Variants in RALYL observed in about 807,000 individuals in gnomAD.
The protein encoded by RALYL is RNA-binding Raly-like protein.
A neutral mutation model predicts 35.1 loss-of-function variants in RALYL; 29 were observed. The ratio of observed to expected loss-of-function variants is 0.83; its 90% confidence interval spans 0.61 to 1.13. RALYL has a LOEUF of 1.13. RALYL is among the 50% of genes most tolerant of loss of function. The pLI, the probability that RALYL is intolerant of heterozygous loss-of-function variation, is 0.00. For synonymous variants in RALYL, 120 were observed against 127.6 expected, an observed-to-expected ratio of 0.94 and a Z score of 0.40; for missense variants, 359 against 360.4, an observed-to-expected ratio of 1.00 and a Z score of 0.03.
At chr8:84,268,869 C>G (rs929712288) in intron 1 of RALYL, among the ~76,000 whole-genome samples, 1 of 152,060 alleles carries the variant, frequency 6.6e-6, no homozygotes, top group Non-Finnish European at 1.5e-5. Context: ...GCAAGGGAAG[C>G]ATATCATATA....
intron 1 of RALYL, among the ~76,000 whole-genome samples, chr8:84,346,803 A>G (rs1411654340): frequency 1.3e-5 from 2 of 152,136 alleles, no homozygotes; most frequent in Non-Finnish European, 2.9e-5. Flanking sequence ...CTAAAAATTG[A>G]TACAATCCAT....
chr8:84,893,676 A>G (rs939718350), intron 8 of RALYL, among the ~76,000 whole-genome samples: 22 of 152,200 alleles, frequency 1.4e-4, no homozygotes, highest in Admixed American at 6.5e-5. Flanking sequence ...AAATGCCAAC[A>G]TAGATTATCT....
At chr8:84,348,059 C>T (rs1311516211) in intron 1 of RALYL, among the ~76,000 whole-genome samples, 1 of 152,044 alleles carries the variant, frequency 6.6e-6, no homozygotes, top group East Asian at 1.9e-4. Context: ...CTAACCTGAT[C>T]AGTTGGCAGC....
At chr8:84,301,233 T>G (rs554336631) in intron 1 of RALYL, among the ~76,000 whole-genome samples, 6 of 152,224 alleles carry the variant, frequency 3.9e-5, no homozygotes, top group Non-Finnish European at 8.8e-5. Context: ...CTTGTAGGAT[T>G]CCTGATGAAA....
At chr8:84,483,117 C>T (rs1451699791) in intron 1 of RALYL, among the ~76,000 whole-genome samples, 1 of 152,060 alleles carries the variant, frequency 6.6e-6, no homozygotes, top group African/African-American at 2.4e-5. Flanking sequence ...ATGAAATTCA[C>T]TATTCAATGA....
chr8:84,746,942 T>A (rs1050841667), intron 2 of RALYL, among the ~76,000 whole-genome samples: 3 of 151,798 alleles, frequency 2.0e-5, no homozygotes, highest in Non-Finnish European at 2.9e-5. Context: ...TTTTCTTAGG[T>A]TAGGTTCAAT....
At chr8:84,225,640 T>C (rs1823691511) in intron 1 of RALYL, among the ~76,000 whole-genome samples, 1 of 152,250 alleles carries the variant, frequency 6.6e-6, no homozygotes, top group Non-Finnish European at 1.5e-5. Flanking sequence ...TGTCACCTTT[T>C]TGATGTCTGA....
At chr8:84,750,734 C>G (rs1254953446) in intron 2 of RALYL, among the ~76,000 whole-genome samples, 1 of 152,036 alleles carries the variant, frequency 6.6e-6, no homozygotes, top group Non-Finnish European at 1.5e-5. Context: ...GAGACCTGAC[C>G]TAGCATGCTC....
intron 2 of RALYL, among the ~76,000 whole-genome samples, chr8:84,607,779 C>T (rs143801738): frequency 9.7e-4 from 147 of 152,182 alleles, no homozygotes; most frequent in Middle Eastern, 3.4e-3. Context: ...CCCTTCTTGT[C>T]AACCTGTGTT....
chr8:84,436,467 G>T (rs944495204), intron 1 of RALYL, among the ~76,000 whole-genome samples: 1 of 148,102 alleles, frequency 6.8e-6, no homozygotes, highest in Admixed American at 6.7e-5. Context: ...ACATTATCAT[G>T]TCTTTAAAAA....
intron 1 of RALYL, among the ~76,000 whole-genome samples, chr8:84,337,961 C>T (rs1848120459): frequency 1.3e-5 from 2 of 152,030 alleles, no homozygotes; most frequent in East Asian, 1.9e-4. Flanking sequence ...ATAATATACA[C>T]TATCCATTCA....
chr8:84,920,848 TAAAACACAAATCTCTG>T (rs781068135), intron 8 of RALYL, 30 bp from the exon 9 acceptor site: 1 of 972,428 alleles, frequency 1.0e-6, no homozygotes, highest in South Asian at 1.9e-5. Flanking sequence ...CTATCAACAA[TAAAACACAAATCTCTG>T]TATTTTAAAA....
chr8:84,377,263 C>T (rs990924753), intron 1 of RALYL, among the ~76,000 whole-genome samples: 1 of 151,612 alleles, frequency 6.6e-6, no homozygotes, highest in Non-Finnish European at 1.5e-5. Context: ...AAGTTTGGAA[C>T]ACACTGACTT....
At chr8:84,379,427 G>A (rs1857515371) in intron 1 of RALYL, among the ~76,000 whole-genome samples, 1 of 151,870 alleles carries the variant, frequency 6.6e-6, no homozygotes, top group Admixed American at 6.6e-5. Flanking sequence ...GTGTTTGTGA[G>A]TAAAAATGTA....
chr8:84,192,875 G>C (rs1406099041), intron 1 of RALYL, among the ~76,000 whole-genome samples: 1 of 146,034 alleles, frequency 6.8e-6, no homozygotes, highest in African/African-American at 2.5e-5. Context: ...CATCAAAGGA[G>C]TGAGGGAGGG....
intron 1 of RALYL, among the ~76,000 whole-genome samples, chr8:84,273,380 C>G (rs1460909362): frequency 6.6e-6 from 1 of 152,226 alleles, no homozygotes; most frequent in Non-Finnish European, 1.5e-5. Context: ...CACTACATGG[C>G]AGCTGGTTTC....
At chr8:84,542,040 C>T (rs79731663) in intron 2 of RALYL, among the ~76,000 whole-genome samples, 1,993 of 151,882 alleles carry the variant, frequency 0.013, 41 homozygotes, top group African/African-American at 0.046. Flanking sequence ...CATTTAATTG[C>T]GGTTATATTT....
chr8:84,220,446 C>T (rs13256145), intron 1 of RALYL, among the ~76,000 whole-genome samples: 59,406 of 151,290 alleles, frequency 0.39, 11,725 homozygotes, highest in Non-Finnish European at 0.43. Flanking sequence ...TATTCTTGTC[C>T]AGTAACACTA....
chr8:84,186,984 A>G (rs1812691192), intron 1 of RALYL, among the ~76,000 whole-genome samples: 1 of 152,130 alleles, frequency 6.6e-6, no homozygotes. Flanking sequence ...AGCGACCCAC[A>G]GGGATTTAGA....
Sources: gnomAD v4.1 joint callset for allele counts (sites outside exome capture counted in the v4.1 genomes callset) on GRCh38, gnomAD v4.1.1 for gene constraint, MANE v1.5 for transcripts, NCBI Gene and HGNC (gene_info 2026-07-23, HGNC 2026-07-21) for gene names.